FBXL20: variants seen among roughly 807,000 people sequenced by gnomAD.
FBXL20 encodes F-box/LRR-repeat protein 20.
A neutral mutation model predicts 64.0 loss-of-function variants in FBXL20; 11 were observed. The observed-to-expected ratio is 0.17, with a 90% CI of 0.11 to 0.28. The LOEUF is 0.28. Among genes scored for constraint, FBXL20 ranks in the 10% least tolerant of loss-of-function variants. FBXL20 has a pLI of 1.00. For missense variants in FBXL20, 303 were observed against 526.2 expected (o/e 0.58, Z 4.15); for synonymous variants, 184 against 189.0 (o/e 0.97, Z 0.22).
At chr17:39,339,031 G>C (rs906206351) in intron 2 of FBXL20, among the ~76,000 whole-genome samples, 2 of 151,868 alleles carry the variant, frequency 1.3e-5, no homozygotes, top group African/African-American at 4.8e-5. Context: ...AGCCAAGTGT[G>C]GTGGTGCACA....
intron 6 of FBXL20, among the ~76,000 whole-genome samples, chr17:39,290,805 C>T (rs1291266064): frequency 6.6e-6 from 1 of 152,132 alleles, no homozygotes; most frequent in African/African-American, 2.4e-5. Context: ...GCAAGCAACC[C>T]TCCTGCTTTA....
chr17:39,320,587 T>C (rs2047345558), intron 2 of FBXL20, among the ~76,000 whole-genome samples: 1 of 147,788 alleles, frequency 6.8e-6, no homozygotes, highest in Non-Finnish European at 1.5e-5. Flanking sequence ...GAATGTCTAG[T>C]ATGAATTTTT....
intron 1 of FBXL20, among the ~76,000 whole-genome samples, chr17:39,357,475 T>C (rs2047753731): frequency 6.6e-6 from 1 of 152,152 alleles, no homozygotes; most frequent in Non-Finnish European, 1.5e-5. Context: ...CTGTCTCATA[T>C]CTTTTGTTCT....
rs540403271 is a variant in FBXL20, at chr17:39,294,899, G to C, written c.398+2228C>G. On this transcript the variant is annotated intron_variant, in intron 6 of 14. Transcript: ENST00000264658. ...TGGTGGCATGGGCCTGTAATCCCAG[G>C]TACTCAGGAAGCTGGGCTGAGATTG... Among the ~76,000 whole-genome samples, 4 of 152,280 alleles carry C rather than the reference G, an allele frequency of 2.6e-5. No homozygotes were observed. In the East Asian group the frequency reaches 7.8e-4, roughly 30 times the overall value.
At chr17:39,302,405 G>A (rs1180366723) in intron 3 of FBXL20, among the ~76,000 whole-genome samples, 2 of 141,578 alleles carry the variant, frequency 1.4e-5, no homozygotes, top group African/African-American at 2.7e-5. Context: ...ACGGAGTCTC[G>A]TTCTGTCGCC....
chr17:39,358,937 C>G (rs1205828407), intron 1 of FBXL20, among the ~76,000 whole-genome samples: 1 of 152,012 alleles, frequency 6.6e-6, no homozygotes, highest in Non-Finnish European at 1.5e-5. Context: ...TACAAGGGAC[C>G]GATAAGCACA....
At chr17:39,280,583 TAAATA>T (rs976555053) in intron 9 of FBXL20, among the ~76,000 whole-genome samples, 2 of 151,468 alleles carry the variant, frequency 1.3e-5, no homozygotes, top group Non-Finnish European at 2.9e-5. Flanking sequence ...AATAAATAAA[TAAATA>T]AATAACAAAA....
chr17:39,402,112 A>G (rs1205280275), upstream of FBXL20: 5 of 1,220,930 alleles, frequency 4.1e-6, no homozygotes, highest in Admixed American at 8.4e-5. Flanking sequence ...CTTGTTCCCC[A>G]GGATCCTGTA....
intron 2 of FBXL20, among the ~76,000 whole-genome samples, chr17:39,310,484 G>C (rs2047224242): frequency 6.6e-6 from 1 of 152,038 alleles, no homozygotes; most frequent in Non-Finnish European, 1.5e-5. Context: ...CCAGCACAGG[G>C]CAACAGATTT....
chr17:39,295,247 A>G (rs929587371), intron 6 of FBXL20, among the ~76,000 whole-genome samples: 3 of 152,154 alleles, frequency 2.0e-5, no homozygotes, highest in Admixed American at 2.0e-4. Context: ...TCTCTGTGTG[A>G]CTATAACTCC....
chr17:39,358,651 C>T (rs528694996), intron 1 of FBXL20, among the ~76,000 whole-genome samples: 36 of 151,892 alleles, frequency 2.4e-4, no homozygotes, highest in East Asian at 1.5e-3. Context: ...CACTGCACTC[C>T]AGCCTGGGCA....
At position 39,261,407 on chromosome 17, in the gene FBXL20, G is replaced by T; in HGVS notation, c.*53C>A. The stretch of plus-strand genomic sequence containing the variant: ...CTTCCACTGGAGAGACTCCACGGTA[G>T]CTCTAGAAGTGTCATTAAATACTCA... On this transcript the variant is annotated 3_prime_UTR_variant, in exon 15 of 15. Transcript: ENST00000264658. The T allele has an allele frequency of 7.1e-7, 1 of 1,411,394 alleles. No individual in the cohort carries two copies. The highest frequency in any genetic ancestry group is 1.0e-6 in the Non-Finnish European group (1 of 996,212). 87.4% of individuals were successfully genotyped at this position (1,411,394 alleles called of 1,614,324 possible).
intron 2 of FBXL20, among the ~76,000 whole-genome samples, chr17:39,315,506 T>C (rs1024746035): frequency 2.0e-5 from 3 of 150,968 alleles, no homozygotes; most frequent in Non-Finnish European, 2.9e-5. Flanking sequence ...AGGAGGGGCA[T>C]AGAAAGGTAG....
intron 2 of FBXL20, among the ~76,000 whole-genome samples, chr17:39,338,689 T>G (rs1351881859): frequency 1.3e-5 from 2 of 152,070 alleles, no homozygotes; most frequent in Non-Finnish European, 2.9e-5. Context: ...AAAATTAATA[T>G]CACCAGTAAC....
chr17:39,290,865 T>A (rs2047031376), intron 6 of FBXL20, among the ~76,000 whole-genome samples: 1 of 152,106 alleles, frequency 6.6e-6, no homozygotes. Context: ...ACTCAGCCTG[T>A]GCGTGTTCTT....
At chr17:39,300,697 CTAAAA>C (rs969989034) in intron 4 of FBXL20, among the ~76,000 whole-genome samples, 41 of 152,128 alleles carry the variant, frequency 2.7e-4, no homozygotes, top group Non-Finnish European at 1.9e-4. Flanking sequence ...AATGTCTTCA[CTAAAA>C]TAAACATAGA....
intron 6 of FBXL20, among the ~76,000 whole-genome samples, chr17:39,289,301 A>AT (rs970461411): frequency 2.4e-4 from 36 of 152,286 alleles, no homozygotes; most frequent in East Asian, 1.5e-3. Context: ...ACCTATTGGG[A>AT]TTTTTTATTG....
chr17:39,266,062 ATTC>A (rs2046788744), intron 12 of FBXL20, among the ~76,000 whole-genome samples: 12 of 105,618 alleles, frequency 1.1e-4, no homozygotes, highest in East Asian at 2.9e-4. Flanking sequence ...TACCTCATTC[ATTC>A]TTTTTTTTTT....
At chr17:39,320,785 G>T (rs1361434479) in intron 2 of FBXL20, among the ~76,000 whole-genome samples, 2 of 151,722 alleles carry the variant, frequency 1.3e-5, no homozygotes, top group African/African-American at 4.8e-5. Flanking sequence ...TGTAGAGATG[G>T]GGCTTCACCA....
Sources: allele counts gnomAD v4.1 joint callset (sites outside exome capture counted in the v4.1 genomes callset), GRCh38; gene constraint gnomAD v4.1.1; transcripts MANE v1.5; gene names NCBI Gene and HGNC (gene_info 2026-07-23, HGNC 2026-07-21).